NAA11: variants seen among roughly 807,000 people sequenced by gnomAD.
NAA11 encodes N-alpha-acetyltransferase 11, NatA catalytic subunit, also known as N-alpha-acetyltransferase 11.
In NAA11, 15 loss-of-function variants were observed where a neutral mutation model predicts 16.1. The observed-to-expected ratio is 0.93, with a 90% CI of 0.62 to 1.44. The LOEUF is 1.44. NAA11 is among the 40% of genes most tolerant of loss of function. The pLI is 0.00. For synonymous variants in NAA11, 122 were observed against 112.4 expected (o/e 1.09, Z -0.54); for missense variants, 298 against 291.3 (o/e 1.02, Z -0.17).
At chr4:79,290,724 G>A (rs1723060761) in intron 2 of NAA11, among the ~76,000 whole-genome samples, 1 of 152,118 alleles carries the variant, frequency 6.6e-6, no homozygotes, top group African/African-American at 2.4e-5. Context: ...AAATAATTCT[G>A]TTTTAAAGTT....
rs1433253231 is a variant in NAA11, at chr4:79,325,469, A to G, written c.409T>C (p.Tyr137His). 6 of 1,614,168 alleles carry G rather than the reference A, an allele frequency of 3.7e-6. No individual in the cohort carries two copies. Among genetic ancestry groups the G allele is most frequent in the East Asian group, 2.2e-5 (1 of 44,870 alleles). Residue 137 changes from tyrosine to histidine, a missense_variant, in exon 1 of 2, where the codon TAC becomes CAC. Tyr to His is a moderately conservative substitution (Grantham distance 83). Coordinates refer to ENST00000286794, the MANE Select transcript of NAA11 (RefSeq NM_032693.3). The part of the protein sequence containing the change: ...NFQISEVEPK[Y>H]YADGEDAYAM... ...TAAGCATCTTCCCCATCTGCATAGT[A>G]TTTAGGTTCCACCTCACTAATCTGA...
chr4:79,173,065 C>A, the NAA11 span, among the ~76,000 whole-genome samples: 1 of 152,060 alleles, frequency 6.6e-6, no homozygotes, highest in Non-Finnish European at 1.5e-5. Context: ...GAAACTCCAG[C>A]GAGCCAAGAT....
chr4:79,299,697 G>T (rs1375017801), intron 1 of NAA11: 1 of 134,870 alleles, frequency 7.4e-6, no homozygotes, highest in Non-Finnish European at 1.5e-5. Context: ...CATAAGCATT[G>T]TTAAGCATTG....
chr4:79,204,037 T>A, the NAA11 span, among the ~76,000 whole-genome samples: 1 of 151,914 alleles, frequency 6.6e-6, no homozygotes, highest in African/African-American at 2.4e-5. Context: ...AAACTTGCAG[T>A]CTCAAGCACT....
intron 2 of NAA11, among the ~76,000 whole-genome samples, chr4:79,291,638 C>T (rs112541185): frequency 0.16 from 24,556 of 151,796 alleles, 4,170 homozygotes; most frequent in African/African-American, 0.43. Flanking sequence ...GCAGGAGAAT[C>T]GCTTGAACCT....
downstream of NAA11, among the ~76,000 whole-genome samples, chr4:79,224,924 C>T (rs1356357087): frequency 6.6e-6 from 1 of 151,950 alleles, no homozygotes; most frequent in Non-Finnish European, 1.5e-5. Flanking sequence ...AAAGATCCGA[C>T]CAGTACTTCT....
chr4:79,202,863 C>A, the NAA11 span, among the ~76,000 whole-genome samples: 1 of 150,436 alleles, frequency 6.6e-6, no homozygotes, highest in Admixed American at 6.7e-5. Flanking sequence ...ATGTAGTCTT[C>A]TTATTAGTGA....
At chr4:79,316,229 A>C (rs1443329888), downstream of NAA11, among the ~76,000 whole-genome samples, 1 of 152,226 alleles carries the variant, frequency 6.6e-6, no homozygotes, top group Non-Finnish European at 1.5e-5. Context: ...GAAAGCTGTA[A>C]TATTTAAAAA....
At position 79,317,596 on chromosome 4, in the gene NAA11, G is replaced by A. The variant is rs1049703008; in HGVS notation, c.*208C>T. ...TGGCAGGTCTCAAAGTTCCTTGGCT[G>A]TTGTGCAGTGGCTCTTGTGTCCAGG... is the stretch of plus-strand genomic sequence containing the variant. On this transcript the variant is annotated 3_prime_UTR_variant, in exon 2 of 2. Transcript: ENST00000286794. 2.6e-5 allele frequency: 4 copies of A among 152,352 alleles called. No homozygotes were observed. Among genetic ancestry groups the A allele is most frequent in the African/African-American group, 9.7e-5 (4 of 41,450 alleles). The allele number at this position is 152,352 out of a possible 1,614,324, so 9.4% of individuals were successfully genotyped here.
chr4:79,315,605 A>G (rs1482574733), downstream of NAA11, among the ~76,000 whole-genome samples: 1 of 152,188 alleles, frequency 6.6e-6, no homozygotes, highest in African/African-American at 2.4e-5. Flanking sequence ...CACACCATTA[A>G]CTGTCCTCCC....
intron 2 of NAA11, chr4:79,227,565 G>C (rs1721347516): frequency 6.6e-6 from 1 of 151,974 alleles, no homozygotes; most frequent in African/African-American, 2.4e-5. Flanking sequence ...AAGGAGAAGA[G>C]GATGTTGCAT....
At chr4:79,322,900 A>G (rs1724139066) in intron 1 of NAA11, among the ~76,000 whole-genome samples, 1 of 152,196 alleles carries the variant, frequency 6.6e-6, no homozygotes, top group South Asian at 2.1e-4. Context: ...TACTGTATCT[A>G]AATTTTTATA....
chr4:79,173,094 A>G, the NAA11 span, among the ~76,000 whole-genome samples: 1 of 152,206 alleles, frequency 6.6e-6, no homozygotes, highest in South Asian at 2.1e-4. Flanking sequence ...TTTCGTGGGT[A>G]GAACGAAAAG....
intron 1 of NAA11, chr4:79,299,081 G>A (rs1331204847): frequency 6.6e-6 from 1 of 152,116 alleles, no homozygotes. Flanking sequence ...GAAAATCCAT[G>A]GATATACTGT....
At chr4:79,271,649 C>T (rs867549994) in intron 2 of NAA11, among the ~76,000 whole-genome samples, 3 of 152,052 alleles carry the variant, frequency 2.0e-5, no homozygotes, top group African/African-American at 4.8e-5. Flanking sequence ...GAAACTAACT[C>T]GCTGTTTCCT....
chr4:79,205,823 G>T, the NAA11 span, among the ~76,000 whole-genome samples: 1 of 151,888 alleles, frequency 6.6e-6, no homozygotes, highest in Non-Finnish European at 1.5e-5. Context: ...TTATTCTTCT[G>T]CATGTGGCTA....
In NAA11 at chr4:79,268,470, G is replaced by C. The variant is rs537071874; in HGVS notation, c.*122+25535C>G. Among the ~76,000 whole-genome samples the C allele has an allele frequency of 3.3e-5, 5 of 152,222 alleles. No individual in the cohort carries two copies. In the South Asian group the frequency reaches 8.3e-4, roughly 25 times the overall value. ...CATCACCCTGCCCAAAGTTATGCCG[G>C]AGAAGAGTTCTTTACTGTACTCAGA... is the stretch of plus-strand genomic sequence containing the variant. On this transcript the variant is annotated intron_variant and NMD_transcript_variant, in intron 2 of 2. Coordinates refer to the NAA11 transcript ENST00000511542.
chr4:79,278,310 T>G (rs987070851), intron 2 of NAA11, among the ~76,000 whole-genome samples: 5 of 152,096 alleles, frequency 3.3e-5, no homozygotes, highest in African/African-American at 1.2e-4. Context: ...CATTATGCTG[T>G]TTTCTTTCTT....
intron 2 of NAA11, among the ~76,000 whole-genome samples, chr4:79,237,562 A>C (rs1389377199): frequency 2.0e-5 from 3 of 152,202 alleles, no homozygotes; most frequent in East Asian, 1.9e-4. Flanking sequence ...ACTGACACCT[A>C]TCACCTTTCA....
Sources: allele counts gnomAD v4.1 joint callset (sites outside exome capture counted in the v4.1 genomes callset), GRCh38; gene constraint gnomAD v4.1.1; transcripts MANE v1.5; gene names NCBI Gene and HGNC (gene_info 2026-07-23, HGNC 2026-07-21).